ARHGAP42: variants seen among roughly 807,000 people sequenced by gnomAD.
The protein encoded by ARHGAP42 is Rho GTPase activating protein 42.
Under a neutral mutation model 125.0 loss-of-function variants are expected in ARHGAP42, and 63 were observed. The ratio of observed to expected loss-of-function variants is 0.50; its 90% CI spans 0.41 to 0.62. The LOEUF (loss-of-function observed/expected upper bound fraction) is 0.62, where lower values mean the gene tolerates loss of function less well. Among genes scored for constraint, ARHGAP42 ranks in the 20% least tolerant of loss-of-function variants. The pLI is 0.00. For synonymous variants in ARHGAP42, 339 were observed against 351.0 expected (o/e 0.97, Z 0.38); for missense variants, 766 against 1,024.2 (o/e 0.75, Z 3.44).
At chr11:100,961,019 T>G (rs1857939345) in intron 14 of ARHGAP42, 30 bp downstream of exon 14, 10 of 1,475,976 alleles carry the variant, frequency 6.8e-6, no homozygotes, top group Non-Finnish European at 9.1e-6. Context: ...ACTTACATAA[T>G]TTTTGTGTTC....
chr11:100,736,385 C>T (rs558706867), intron 1 of ARHGAP42, among the ~76,000 whole-genome samples: 1 of 152,146 alleles, frequency 6.6e-6, no homozygotes, highest in Admixed American at 6.6e-5. Flanking sequence ...TGGTGGAAAT[C>T]CCCCTGAGCT....
At chr11:100,916,964 A>T (rs1271107913) in intron 5 of ARHGAP42, among the ~76,000 whole-genome samples, 20 of 152,076 alleles carry the variant, frequency 1.3e-4, no homozygotes, top group Admixed American at 1.3e-3. Context: ...GGAAAAAAGC[A>T]GATTGTAAAC....
At position 100,779,547 on chromosome 11, in the gene ARHGAP42, T is replaced by C. The variant is rs78572016; in HGVS notation, c.250+9109T>C. On this transcript the variant is annotated intron_variant, in intron 2 of 23. Coordinates refer to ENST00000298815, the MANE Select transcript of ARHGAP42 (RefSeq NM_152432.4). ...ATACATGCGTATATATACGTATATATATACATATACATACGTATATATACG... is the reference window on the plus strand; with the variant it reads ...ATACATGCGTATATATACGTATATACATACATATACATACGTATATATACG... Among the ~76,000 whole-genome samples the C allele has an allele frequency of 5.6e-4, 77 of 137,640 alleles. 1 individual carries two copies. Among genetic ancestry groups the C allele is most frequent in the South Asian group, 1.8e-3 (8 of 4,336 alleles). The allele number at this position is 137,640 out of a possible 152,430, so 90.3% of individuals were successfully genotyped here.
At chr11:100,853,001 ATCTC>A (rs950575181) in intron 3 of ARHGAP42, among the ~76,000 whole-genome samples, 2 of 152,152 alleles carry the variant, frequency 1.3e-5, no homozygotes, top group African/African-American at 4.8e-5. Context: ...CATTTCTTAA[ATCTC>A]TCTCTGAGAA....
intron 1 of ARHGAP42, among the ~76,000 whole-genome samples, chr11:100,761,221 T>C (rs1303478828): frequency 6.6e-6 from 1 of 152,066 alleles, no homozygotes; most frequent in African/African-American, 2.4e-5. Context: ...GTGGTTTGCG[T>C]AGAGATAACA....
intron 1 of ARHGAP42, among the ~76,000 whole-genome samples, chr11:100,731,666 C>T (rs981871723): frequency 2.0e-5 from 3 of 152,130 alleles, no homozygotes; most frequent in Non-Finnish European, 4.4e-5. Context: ...GTTATCTGAG[C>T]TGCTGAGTGC....
intron 8 of ARHGAP42, among the ~76,000 whole-genome samples, chr11:100,939,541 G>A (rs111990860): frequency 3.3e-5 from 5 of 152,128 alleles, no homozygotes; most frequent in African/African-American, 1.2e-4. Context: ...TCTTTATAAT[G>A]TCTGATATAA....
Position 100,749,448 on chromosome 11 carries a change from G to A in ARHGAP42, c.155-20895G>A, listed in dbSNP as rs150025272. Among the ~76,000 whole-genome samples, 389 of 150,364 alleles carry A rather than the reference G, an allele frequency of 2.6e-3. 4 individuals carry two copies. The highest frequency in any genetic ancestry group is 4.5e-3 in the Non-Finnish European group (303 of 67,478). ...AGGGATGTCTCACCTGGCCTGTCCC[G>A]GAAGGCTAACCCCTCAAACCAGGCA... On this transcript the variant is annotated intron_variant, in intron 1 of 23. Transcript: ENST00000298815.
chr11:100,738,503 C>T (rs974520113), intron 1 of ARHGAP42: 1 of 152,198 alleles, frequency 6.6e-6, no homozygotes, highest in Non-Finnish European at 1.5e-5. Context: ...AGAGAGGTAA[C>T]TCACTAATTC....
At chr11:100,819,631 A>G (rs763556125) in intron 3 of ARHGAP42, among the ~76,000 whole-genome samples, 4 of 152,142 alleles carry the variant, frequency 2.6e-5, no homozygotes, top group Non-Finnish European at 5.9e-5. Flanking sequence ...TTGTTTCCCC[A>G]TTAGTGATAG....
At chr11:100,724,836 C>CT (rs59676061) in intron 1 of ARHGAP42, among the ~76,000 whole-genome samples, 13 of 150,206 alleles carry the variant, frequency 8.7e-5, no homozygotes, top group Admixed American at 3.3e-4. Flanking sequence ...CTTTTTATTT[C>CT]TTTTTTTTTA....
At chr11:100,914,718 C>G (rs917518685) in intron 5 of ARHGAP42, among the ~76,000 whole-genome samples, 1 of 152,092 alleles carries the variant, frequency 6.6e-6, no homozygotes, top group African/African-American at 2.4e-5. Flanking sequence ...TGTTGTAGTC[C>G]AGAGCCTCTC....
At chr11:100,768,362 G>A (rs749194707) in intron 1 of ARHGAP42, among the ~76,000 whole-genome samples, 14 of 152,134 alleles carry the variant, frequency 9.2e-5, no homozygotes, top group Non-Finnish European at 1.9e-4. Flanking sequence ...GGTGGGGGAT[G>A]AGGAATTTGA....
At chr11:100,898,574 G>C (rs1015987134) in intron 4 of ARHGAP42, among the ~76,000 whole-genome samples, 6 of 152,090 alleles carry the variant, frequency 3.9e-5, no homozygotes, top group African/African-American at 1.2e-4. Context: ...TCTTGGGAGG[G>C]TGCATGTGTT....
intron 2 of ARHGAP42, among the ~76,000 whole-genome samples, chr11:100,784,232 T>C (rs1863380533): frequency 6.6e-6 from 1 of 152,248 alleles, no homozygotes; most frequent in Non-Finnish European, 1.5e-5. Flanking sequence ...CATCTTGGAC[T>C]AAGTTACATA....
At chr11:100,962,513 A>G in intron 16 of ARHGAP42, 46 bp downstream of exon 16, 1 of 1,455,844 alleles carries the variant, frequency 6.9e-7, no homozygotes, top group Non-Finnish European at 9.4e-7. Flanking sequence ...ATGTAGTTTT[A>G]TGCTGCCATA....
intron 22 of ARHGAP42, among the ~76,000 whole-genome samples, chr11:100,983,902 G>A (rs1858606705): frequency 6.6e-6 from 1 of 152,162 alleles, no homozygotes; most frequent in African/African-American, 2.4e-5. Flanking sequence ...ACTTTGGGAG[G>A]CCAAGGCGAG....
intron 22 of ARHGAP42, among the ~76,000 whole-genome samples, chr11:100,980,556 C>CTTTTTTTTTTTTTTTTTT (rs1565305665): frequency 8.5e-5 from 2 of 23,544 alleles, no homozygotes; most frequent in African/African-American, 1.8e-4. Context: ...TCTTTTTCTT[C>CTTTTTTTTTTTTTTTTTT]TTCTTTTTTT....
chr11:100,771,880 G>A (rs560843426), intron 2 of ARHGAP42, among the ~76,000 whole-genome samples: 28 of 152,072 alleles, frequency 1.8e-4, no homozygotes, highest in East Asian at 1.9e-4. Flanking sequence ...GATTACAGAC[G>A]TGAGCCACTG....
Sources: allele counts gnomAD v4.1 joint callset (sites outside exome capture counted in the v4.1 genomes callset), GRCh38; gene constraint gnomAD v4.1.1; transcripts MANE v1.5; gene names NCBI Gene and HGNC (gene_info 2026-07-23, HGNC 2026-07-21).